The following SLC39A8 variants were observed in gnomAD, a reference collection of about 807,000 sequenced individuals.
SLC39A8 encodes the protein solute carrier family 39 member 8, also known as metal cation symporter ZIP8.
In SLC39A8, 15 loss-of-function variants were observed where a neutral mutation model predicts 40.4. The ratio of observed to expected loss-of-function variants is 0.37; its 90% CI spans 0.25 to 0.57. The LOEUF is 0.57. SLC39A8 is among the 20% of genes least tolerant of loss of function. SLC39A8 has a pLI of 0.75. For synonymous variants in SLC39A8, 223 were observed against 221.6 expected, an observed-to-expected ratio of 1.01 and a Z score of -0.06; for missense variants, 472 against 558.8, an observed-to-expected ratio of 0.84 and a Z score of 1.57.
intron 6 of SLC39A8, among the ~76,000 whole-genome samples, chr4:102,268,460 T>G (rs980962406): frequency 1.1e-4 from 16 of 152,248 alleles, no homozygotes; most frequent in Admixed American, 2.0e-4. Flanking sequence ...AAGTCTTTTT[T>G]ATGTTACAAT....
chr4:102,279,944 G>A lies in SLC39A8; in HGVS notation c.841-11865C>T, dbSNP rs116827277. Among the ~76,000 whole-genome samples, 1,321 of 152,212 alleles carry A rather than the reference G, an allele frequency of 8.7e-3. 17 individuals are homozygous for A. Among genetic ancestry groups the A allele is most frequent in the African/African-American group, 0.03 (1,260 of 41,520 alleles). Reference sequence around the variant, plus strand: ...ATCTTTCATTTCTCCCTCCAGATCCGCTTTCCGCTCTTCTTTCCCCATAAG... The same window carrying A: ...ATCTTTCATTTCTCCCTCCAGATCCACTTTCCGCTCTTCTTTCCCCATAAG... On this transcript the variant is annotated intron_variant, in intron 6 of 8. Coordinates refer to ENST00000356736, the MANE Select transcript of SLC39A8 (RefSeq NM_001135146.2).
chr4:102,285,898 A>G (rs896673719), intron 6 of SLC39A8, among the ~76,000 whole-genome samples: 57 of 152,168 alleles, frequency 3.7e-4, no homozygotes, highest in African/African-American at 1.4e-3. Flanking sequence ...AAAACACCTT[A>G]TGGTTTGGCA....
intron 3 of SLC39A8, among the ~76,000 whole-genome samples, chr4:102,314,833 A>G (rs1175167187): frequency 1.3e-5 from 2 of 152,092 alleles, no homozygotes; most frequent in Non-Finnish European, 2.9e-5. Flanking sequence ...GCTTGTTTAA[A>G]TTTGCTTGTT....
rs536374745 is a variant in SLC39A8, at chr4:102,303,641, T to G, written c.840+676A>C. 9.9e-5 allele frequency among the ~76,000 whole-genome samples: 15 copies of G among 151,930 alleles called. No homozygotes were observed. In the South Asian group the frequency reaches 3.1e-3, roughly 31 times the overall value. ...CTAGGTTCTTGTTTTTCCTGTAGCT[T>G]GGCTGTTCTATTAGTCATCTAGTAT... On this transcript the variant is annotated intron_variant, in intron 6 of 8. Transcript: ENST00000356736.
At chr4:102,297,174 T>C (rs936198385) in intron 6 of SLC39A8, among the ~76,000 whole-genome samples, 13 of 152,110 alleles carry the variant, frequency 8.5e-5, no homozygotes, top group African/African-American at 3.1e-4. Flanking sequence ...AAACTGTACA[T>C]GATTAAGCAT....
intron 11 of SLC39A8, among the ~76,000 whole-genome samples, chr4:102,253,700 T>C (rs566513193): frequency 6.6e-6 from 1 of 152,290 alleles, no homozygotes; most frequent in South Asian, 2.1e-4. Context: ...GAGACAATAT[T>C]AACATTTTAC....
chr4:102,318,795 C>G (rs1012679110), intron 2 of SLC39A8, among the ~76,000 whole-genome samples: 1 of 152,184 alleles, frequency 6.6e-6, no homozygotes, highest in Non-Finnish European at 1.5e-5. Context: ...TGCTATCTGC[C>G]TTAATAAAAC....
intron 2 of SLC39A8, among the ~76,000 whole-genome samples, chr4:102,322,500 T>C (rs537686143): frequency 1.3e-5 from 2 of 152,332 alleles, no homozygotes; most frequent in African/African-American, 4.8e-5. Context: ...AACAAAAAGA[T>C]AAGCCTTTCC....
intron 2 of SLC39A8, among the ~76,000 whole-genome samples, chr4:102,337,474 A>G (rs892929761): frequency 1.1e-4 from 16 of 152,138 alleles, no homozygotes; most frequent in African/African-American, 3.1e-4. Context: ...CCAATTATGG[A>G]AAGTTCACCT....
At chr4:102,270,930 G>T (rs564159027) in intron 6 of SLC39A8, among the ~76,000 whole-genome samples, 15 of 152,152 alleles carry the variant, frequency 9.9e-5, no homozygotes, top group Admixed American at 8.5e-4. Context: ...GAAAACAAAT[G>T]GGCTTATTGC....
exon 12 of SLC39A8, chr4:102,252,554 C>A (rs439757): frequency 0.81 from 123,211 of 152,118 alleles, 50,793 homozygotes; most frequent in African/African-American, 0.95. Context: ...GAGCAACTCA[C>A]AATGGTTTGC....
Position 102,307,448 on chromosome 4 carries a change from T to C in SLC39A8, c.540A>G (p.Gln180=). 1 of 1,613,140 alleles carries C rather than the reference T, an allele frequency of 6.2e-7. No individual in the cohort carries two copies. The highest frequency in any genetic ancestry group is 8.5e-7 in the Non-Finnish European group (1 of 1,179,542). ...CCAACATCCTTACCTCTGGAATAAG[T>C]TGGAAAATTGCATTTGAAAAAAGAG... ...IGTLFSNAIF[Q]LIPEAFGFDP... Residue 180 remains glutamine (Q), a synonymous_variant, in exon 4 of 9, where the codon CAA becomes CAG. Coordinates refer to ENST00000356736, the MANE Select transcript of SLC39A8 (RefSeq NM_001135146.2).
chr4:102,337,242 A>C lies in SLC39A8; in HGVS notation c.219+7202T>G, dbSNP rs563969526. Among the ~76,000 whole-genome samples, 20 of 152,166 alleles carry C rather than the reference A, an allele frequency of 1.3e-4. No homozygotes were observed. The East Asian group carries it at 3.7e-3, about 28-fold the overall frequency. ...AGGAATTCACTTTTCTCAAAAAAAA[A>C]AAAAAAGAATCAAAAGTATATTAAA... On this transcript the variant is annotated intron_variant, in intron 2 of 8. Coordinates refer to ENST00000356736, the MANE Select transcript of SLC39A8 (RefSeq NM_001135146.2).
At chr4:102,323,399 T>C (rs147567670) in intron 2 of SLC39A8, among the ~76,000 whole-genome samples, 1 of 152,308 alleles carries the variant, frequency 6.6e-6, no homozygotes, top group East Asian at 1.9e-4. Context: ...ATTAAAGGAA[T>C]GAGGTCAGGG....
At chr4:102,313,540 T>C (rs998010238) in intron 3 of SLC39A8, among the ~76,000 whole-genome samples, 1 of 152,106 alleles carries the variant, frequency 6.6e-6, no homozygotes, top group Non-Finnish European at 1.5e-5. Flanking sequence ...CTATCTTTAC[T>C]CTCTTTATCT....
intron 6 of SLC39A8, 123 bp downstream of exon 6, chr4:102,304,192 CCA>C (rs1283333574): frequency 3.2e-6 from 2 of 620,886 alleles, no homozygotes; most frequent in African/African-American, 3.8e-5. Context: ...TCCAGTTACC[CCA>C]CATATATAGG....
chr4:102,262,485 A>G lies in SLC39A8; in HGVS notation c.*559T>C, dbSNP rs1731907566. 1 of 985,278 alleles carries G rather than the reference A, an allele frequency of 1.0e-6. No individual in the cohort carries two copies. The highest frequency in any genetic ancestry group is 4.7e-5 in the South Asian group (1 of 21,280). 61.0% of individuals were successfully genotyped at this position (985,278 alleles called of 1,614,324 possible). ...TTCAAAATAATACTGCAAGTTCCTA[A>G]TTGAAATACAAAACAGAACAAAAAG... On this transcript the variant is annotated 3_prime_UTR_variant, in exon 9 of 9. Transcript: ENST00000356736.
chr4:102,302,616 A>G (rs1161144060), intron 6 of SLC39A8, among the ~76,000 whole-genome samples: 1 of 152,018 alleles, frequency 6.6e-6, no homozygotes, highest in Non-Finnish European at 1.5e-5. Flanking sequence ...GCAGTCCAGC[A>G]AAGTATATAA....
intron 11 of SLC39A8, among the ~76,000 whole-genome samples, chr4:102,256,453 A>G (rs1560520566): frequency 1.3e-5 from 2 of 152,208 alleles, no homozygotes; most frequent in Non-Finnish European, 2.9e-5. Flanking sequence ...GTTGTTGGAC[A>G]GTTGGTTACA....
Sources: gnomAD v4.1 joint callset for allele counts (sites outside exome capture counted in the v4.1 genomes callset) on GRCh38, gnomAD v4.1.1 for gene constraint, MANE v1.5 for transcripts, NCBI Gene and HGNC (gene_info 2026-07-23, HGNC 2026-07-21) for gene names.